The following GRM7 variants were observed in gnomAD, a reference collection of about 807,000 sequenced individuals.
GRM7 encodes the protein glutamate metabotropic receptor 7, also known as metabotropic glutamate receptor 7.
Under a neutral mutation model 84.5 loss-of-function variants are expected in GRM7, and 35 were observed. The observed-to-expected ratio is 0.41, with a 90% CI of 0.32 to 0.55. The LOEUF is 0.55. Among genes scored for constraint, GRM7 ranks in the 20% least tolerant of loss-of-function variants. The pLI is 0.19. For missense variants in GRM7, 1,003 were observed against 1,194.6 expected (o/e 0.84, Z 2.36); for synonymous variants, 487 against 455.1 (o/e 1.07, Z -0.89).
intron 5 of GRM7, among the ~76,000 whole-genome samples, chr3:7,438,944 C>A (rs1697172757): frequency 6.6e-6 from 1 of 152,044 alleles, no homozygotes; most frequent in Admixed American, 6.5e-5. Flanking sequence ...ATAAGACATC[C>A]AACTAGAAGG....
At chr3:7,341,007 C>T (rs545042976) in intron 4 of GRM7, among the ~76,000 whole-genome samples, 2 of 152,236 alleles carry the variant, frequency 1.3e-5, no homozygotes, top group Non-Finnish European at 2.9e-5. Context: ...TAAGAGGAAA[C>T]AAGATCAAAC....
intron 2 of GRM7, among the ~76,000 whole-genome samples, chr3:7,242,595 A>G (rs1417828181): frequency 6.6e-6 from 1 of 152,174 alleles, no homozygotes; most frequent in African/African-American, 2.4e-5. Flanking sequence ...GAAGACTTTA[A>G]TATTGTAAGG....
intron 2 of GRM7, among the ~76,000 whole-genome samples, chr3:7,236,091 G>A (rs1474861615): frequency 6.6e-6 from 1 of 152,048 alleles, no homozygotes; most frequent in Non-Finnish European, 1.5e-5. Context: ...AGGGGTGAGG[G>A]GACTAACTGG....
intron 8 of GRM7, among the ~76,000 whole-genome samples, chr3:7,663,961 G>A (rs77299284): frequency 0.012 from 1,876 of 152,238 alleles, 49 homozygotes; most frequent in African/African-American, 0.043. Flanking sequence ...CTTTGGACTC[G>A]CTTTTATGAC....
intron 2 of GRM7, among the ~76,000 whole-genome samples, chr3:7,266,251 T>G (rs1698634218): frequency 6.6e-6 from 1 of 152,218 alleles, no homozygotes; most frequent in Non-Finnish European, 1.5e-5. Flanking sequence ...AAAACCCACT[T>G]TTTATGGCTA....
chr3:7,630,795 G>A lies in GRM7; in HGVS notation c.2452-49254G>A, dbSNP rs192668382. Among the ~76,000 whole-genome samples, 7 of 152,340 alleles carry A rather than the reference G, an allele frequency of 4.6e-5. No individual in the cohort carries two copies. The East Asian group carries it at 1.3e-3, about 29-fold the overall frequency. The stretch of plus-strand genomic sequence containing the variant: ...GGAGAAAACAGTTGACCCCCAGGAA[G>A]TAGGTACAAAATGAGCATTAGTCAG... On this transcript the variant is annotated intron_variant, in intron 8 of 9. Coordinates refer to ENST00000357716, the MANE Select transcript of GRM7 (RefSeq NM_000844.4).
At chr3:7,170,999 T>C (rs11920109) in intron 2 of GRM7, among the ~76,000 whole-genome samples, 53,968 of 152,004 alleles carry the variant, frequency 0.36, 10,371 homozygotes, top group East Asian at 0.57. Context: ...TCCTCCTTTT[T>C]TTCTAGGTTA....
At chr3:7,685,343 G>A (rs1431365993) in intron 9 of GRM7, among the ~76,000 whole-genome samples, 1 of 152,124 alleles carries the variant, frequency 6.6e-6, no homozygotes, top group African/African-American at 2.4e-5. Context: ...TTTCTCTTAA[G>A]CTACCATCCA....
intron 1 of GRM7, among the ~76,000 whole-genome samples, chr3:7,012,664 T>A (rs1439810501): frequency 6.6e-6 from 1 of 152,056 alleles, no homozygotes; most frequent in East Asian, 1.9e-4. Context: ...AAAAGGAACG[T>A]CCTTACCTCC....
intron 1 of GRM7, among the ~76,000 whole-genome samples, chr3:7,110,814 A>G (rs1480319477): frequency 6.6e-6 from 1 of 152,036 alleles, no homozygotes; most frequent in Non-Finnish European, 1.5e-5. Context: ...AGCAACATCA[A>G]GGTTTGACAA....
chr3:7,253,182 A>G (rs1698068548), intron 2 of GRM7, among the ~76,000 whole-genome samples: 2 of 152,042 alleles, frequency 1.3e-5, no homozygotes, highest in African/African-American at 4.8e-5. Flanking sequence ...AACTTTGTTC[A>G]TTTACATCAA....
At chr3:7,477,275 C>G (rs1278631355) in intron 7 of GRM7, among the ~76,000 whole-genome samples, 1 of 152,070 alleles carries the variant, frequency 6.6e-6, no homozygotes, top group Non-Finnish European at 1.5e-5. Context: ...ATTCATTCAT[C>G]AGGACCTCAC....
At chr3:7,011,945 A>G (rs1532543) in intron 1 of GRM7, among the ~76,000 whole-genome samples, 7,813 of 152,208 alleles carry the variant, frequency 0.051, 676 homozygotes, top group African/African-American at 0.18. Context: ...TTGTCTTGCA[A>G]ATGAAGGTTC....
chr3:7,406,376 T>C (rs921453815), intron 4 of GRM7, among the ~76,000 whole-genome samples: 6 of 151,706 alleles, frequency 4.0e-5, no homozygotes, highest in Non-Finnish European at 7.4e-5. Flanking sequence ...GGCGGGCGCC[T>C]GTAATCCCAG....
At chr3:7,205,366 C>T (rs1471584627) in intron 2 of GRM7, among the ~76,000 whole-genome samples, 1 of 152,094 alleles carries the variant, frequency 6.6e-6, no homozygotes, top group Non-Finnish European at 1.5e-5. Context: ...TTAGGTGGGA[C>T]CATGAAATTG....
intron 8 of GRM7, among the ~76,000 whole-genome samples, chr3:7,676,202 T>C (rs1053280177): frequency 1.3e-5 from 2 of 152,060 alleles, no homozygotes; most frequent in Admixed American, 1.3e-4. Flanking sequence ...TACTAAAGAA[T>C]GTACTAAAGA....
At chr3:7,124,191 A>G (rs1304171468) in intron 1 of GRM7, among the ~76,000 whole-genome samples, 5 of 152,214 alleles carry the variant, frequency 3.3e-5, no homozygotes, top group African/African-American at 7.2e-5. Context: ...CAGAAATTCT[A>G]TATTCTGACC....
At chr3:7,162,152 G>A (rs1694645416) in intron 2 of GRM7, among the ~76,000 whole-genome samples, 1 of 152,162 alleles carries the variant, frequency 6.6e-6, no homozygotes, top group Non-Finnish European at 1.5e-5. Context: ...ATATCCAAGT[G>A]AAGCAGTTGA....
chr3:7,560,794 C>T (rs1417679735), intron 7 of GRM7, among the ~76,000 whole-genome samples: 1 of 152,084 alleles, frequency 6.6e-6, no homozygotes, highest in Non-Finnish European at 1.5e-5. Flanking sequence ...GAATGGTTGC[C>T]TTCATGTAAT....
Sources: gnomAD v4.1 joint callset for allele counts (sites outside exome capture counted in the v4.1 genomes callset) on GRCh38, gnomAD v4.1.1 for gene constraint, MANE v1.5 for transcripts, NCBI Gene and HGNC (gene_info 2026-07-23, HGNC 2026-07-21) for gene names.